The following PTPRD variants were observed in gnomAD, a reference collection of about 807,000 sequenced individuals.
PTPRD encodes the protein protein tyrosine phosphatase receptor type D, also known as receptor-type tyrosine-protein phosphatase delta.
PTPRD carries 34 observed loss-of-function variants against 214.5 expected under a neutral mutation model. The observed-to-expected ratio is 0.16, with a 90% CI of 0.12 to 0.21. The LOEUF (loss-of-function observed/expected upper bound fraction) is 0.21. Among genes scored for constraint, PTPRD ranks in the 10% least tolerant of loss-of-function variants. PTPRD has a pLI of 1.00. For synonymous variants in PTPRD, 1,128 were observed against 845.7 expected (o/e 1.33, Z -5.79); for missense variants, 2,545 against 2,398.7 (o/e 1.06, Z -1.27).
At chr9:9,610,462 A>G (rs960682875) in intron 7 of PTPRD, among the ~76,000 whole-genome samples, 1 of 152,200 alleles carries the variant, frequency 6.6e-6, no homozygotes, top group Non-Finnish European at 1.5e-5. Flanking sequence ...TAGGGTAACC[A>G]ATTCTAGGAG....
chr9:9,212,141 G>A (rs1307673493), intron 9 of PTPRD, among the ~76,000 whole-genome samples: 2 of 152,052 alleles, frequency 1.3e-5, no homozygotes, highest in Non-Finnish European at 2.9e-5. Context: ...GGATAAAGAT[G>A]TTTGTATTTT....
intron 9 of PTPRD, among the ~76,000 whole-genome samples, chr9:9,342,097 C>T (rs2137377781): frequency 6.6e-6 from 1 of 152,138 alleles, no homozygotes; most frequent in East Asian, 1.9e-4. Context: ...GTGTGAGCCA[C>T]CACACCCAGC....
chr9:9,458,970 C>G (rs530515340), intron 8 of PTPRD, among the ~76,000 whole-genome samples: 4 of 152,066 alleles, frequency 2.6e-5, no homozygotes, highest in African/African-American at 9.6e-5. Context: ...CATACACATA[C>G]ACAAAAGAAA....
chr9:8,392,300 A>G (rs933798243), intron 36 of PTPRD, among the ~76,000 whole-genome samples: 1 of 152,018 alleles, frequency 6.6e-6, no homozygotes, highest in Non-Finnish European at 1.5e-5. Flanking sequence ...CTGAGGCAGG[A>G]AGATTTATTG....
At chr9:9,918,352 A>AAC (rs2081537226) in intron 5 of PTPRD, among the ~76,000 whole-genome samples, 1 of 4,526 alleles carries the variant, frequency 2.2e-4, no homozygotes. Flanking sequence ...CCAAAGAGGT[A>AAC]AAAAAAAAAA....
intron 14 of PTPRD, among the ~76,000 whole-genome samples, chr9:8,624,457 C>T (rs973154057): frequency 2.6e-5 from 4 of 151,790 alleles, no homozygotes; most frequent in Admixed American, 6.6e-5. Context: ...ATACATATAA[C>T]ACTTACTGAA....
chr9:10,146,315 G>A (rs1345315055), intron 3 of PTPRD, among the ~76,000 whole-genome samples: 1 of 151,852 alleles, frequency 6.6e-6, no homozygotes, highest in African/African-American at 2.4e-5. Flanking sequence ...TATCTAGGCA[G>A]AAAAACACTA....
chr9:9,706,660 G>A (rs897515096), intron 7 of PTPRD, among the ~76,000 whole-genome samples: 50 of 151,968 alleles, frequency 3.3e-4, no homozygotes, highest in African/African-American at 1.2e-3. Context: ...ACCTGGTCTC[G>A]AATTCTTGAC....
At chr9:8,650,183 G>A (rs929304622) in intron 12 of PTPRD, among the ~76,000 whole-genome samples, 2 of 152,002 alleles carry the variant, frequency 1.3e-5, no homozygotes, top group Non-Finnish European at 2.9e-5. Flanking sequence ...CTCCCAAAGT[G>A]CTGGGATTAC....
At chr9:10,273,181 T>C (rs917323506) in intron 3 of PTPRD, among the ~76,000 whole-genome samples, 7 of 152,196 alleles carry the variant, frequency 4.6e-5, no homozygotes, top group Non-Finnish European at 8.8e-5. Context: ...ACTAAGGATT[T>C]ATGATACACA....
intron 5 of PTPRD, among the ~76,000 whole-genome samples, chr9:9,908,051 C>A (rs1464040208): frequency 1.4e-5 from 2 of 146,324 alleles, no homozygotes; most frequent in South Asian, 2.2e-4. Flanking sequence ...ACATATACAC[C>A]AAGATTAGGA....
chr9:8,496,421 C>T (rs970022671), intron 26 of PTPRD, among the ~76,000 whole-genome samples: 6 of 152,168 alleles, frequency 3.9e-5, no homozygotes, highest in Non-Finnish European at 8.8e-5. Flanking sequence ...CAGAACTTTA[C>T]TCTTCCCTAG....
chr9:10,120,678 T>A (rs1403231823), intron 3 of PTPRD, among the ~76,000 whole-genome samples: 2 of 151,598 alleles, frequency 1.3e-5, no homozygotes, highest in Admixed American at 1.3e-4. Flanking sequence ...TGAAAAAAAA[T>A]TTGCTTAAAA....
chr9:8,366,262 C>T (rs2079851106), intron 39 of PTPRD, among the ~76,000 whole-genome samples: 1 of 152,138 alleles, frequency 6.6e-6, no homozygotes, highest in Non-Finnish European at 1.5e-5. Context: ...AATCCTGACT[C>T]ATTTTATCTA....
At chr9:10,503,193 C>CAAAAAATAAAAAAAAAAA in intron 2 of PTPRD, among the ~76,000 whole-genome samples, 1 of 69,070 alleles carries the variant, frequency 1.4e-5, no homozygotes, top group East Asian at 5.3e-4. Flanking sequence ...AGCTGCAATA[C>CAAAAAATAAAAAAAAAAA]AAAAAAAAAA....
intron 9 of PTPRD, among the ~76,000 whole-genome samples, chr9:9,318,825 G>A (rs1037148417): frequency 3.3e-5 from 5 of 152,214 alleles, no homozygotes; most frequent in African/African-American, 1.2e-4. Flanking sequence ...TGAGCTCCTT[G>A]TTGACGTTCA....
At chr9:10,311,675 T>C (rs1350772993) in intron 3 of PTPRD, among the ~76,000 whole-genome samples, 4 of 152,076 alleles carry the variant, frequency 2.6e-5, no homozygotes, top group Admixed American at 1.3e-4. Flanking sequence ...ACAGAAAAGT[T>C]AGCATATTTT....
intron 12 of PTPRD, among the ~76,000 whole-genome samples, chr9:8,695,268 C>G (rs758233601): frequency 2.0e-5 from 3 of 152,140 alleles, no homozygotes; most frequent in East Asian, 1.9e-4. Context: ...TGTATTTGCT[C>G]TAAATTTTCA....
At chr9:8,590,648 A>G (rs1398806233) in intron 14 of PTPRD, among the ~76,000 whole-genome samples, 1 of 152,212 alleles carries the variant, frequency 6.6e-6, no homozygotes, top group Non-Finnish European at 1.5e-5. Context: ...AAACAAATGA[A>G]TGACTCAAAG....
Sources: gnomAD v4.1 joint callset for allele counts (sites outside exome capture counted in the v4.1 genomes callset) on GRCh38, gnomAD v4.1.1 for gene constraint, MANE v1.5 for transcripts, NCBI Gene and HGNC (gene_info 2026-07-23, HGNC 2026-07-21) for gene names.